The following ZNF423 variants were observed in gnomAD, a reference collection of about 807,000 sequenced individuals.
The protein encoded by ZNF423 is Ebf-associated zinc finger protein.
ZNF423 carries 12 observed loss-of-function variants against 95.8 expected under a neutral mutation model. That is an observed-to-expected ratio of 0.13 (90% CI 0.08 to 0.20). The LOEUF (loss-of-function observed/expected upper bound fraction) is 0.20, where lower values mean the gene tolerates loss of function less well. Among genes scored for constraint, ZNF423 ranks in the 10% least tolerant of loss-of-function variants. The pLI, the probability that ZNF423 is intolerant of heterozygous loss-of-function variation, is 1.00. For synonymous variants in ZNF423, 749 were observed against 711.9 expected, an observed-to-expected ratio of 1.05 and a Z score of -0.83; for missense variants, 1,316 against 1,737.1, an observed-to-expected ratio of 0.76 and a Z score of 4.31.
At chr16:49,701,687 C>G (rs140220267) in intron 3 of ZNF423, among the ~76,000 whole-genome samples, 10 of 152,184 alleles carry the variant, frequency 6.6e-5, no homozygotes, top group South Asian at 6.2e-4. Context: ...TTAAAGAGAA[C>G]ATACTCTGGC....
chr16:49,781,357 C>T (rs1799775781), intron 2 of ZNF423, among the ~76,000 whole-genome samples: 5 of 152,316 alleles, frequency 3.3e-5, no homozygotes, highest in Admixed American at 6.5e-5. Flanking sequence ...AGGGCTCCAG[C>T]ACAGACACTA....
At chr16:49,683,170 C>T (rs2031435047) in intron 3 of ZNF423, among the ~76,000 whole-genome samples, 2 of 152,126 alleles carry the variant, frequency 1.3e-5, no homozygotes, top group South Asian at 4.1e-4. Flanking sequence ...TGACTATTCA[C>T]TCAACAAATA....
chr16:49,810,003 T>A (rs1015715386), intron 1 of ZNF423, among the ~76,000 whole-genome samples: 22 of 151,616 alleles, frequency 1.5e-4, no homozygotes, highest in African/African-American at 3.9e-4. Flanking sequence ...GTCAAAGGTC[T>A]GCCCAGGCCC....
chr16:49,635,674 A>T lies in ZNF423; in HGVS notation c.3502T>A (p.Ser1168Thr). The change falls in exon 4 of 8, where the codon TCG becomes ACG. Residue 1168 changes from serine to threonine, a missense_variant. Transcript: ENST00000563137. This position sits in a 1 kb window ranked among gnomAD's most constrained non-coding sequence, Gnocchi z 4.8. ...TSGPRKGTQT[S>T]PVPRKKTYQC... ...ACTGCACTTACCCGGGGCACTGGCG[A>T]TGTCTGGGTGCCTTTCCGGGGCCCA... is the stretch of plus-strand genomic sequence containing the variant. 6.3e-7 allele frequency: 1 copy of T among 1,577,600 alleles called. No individual in the cohort carries two copies. The highest frequency in any genetic ancestry group is 8.6e-7 in the Non-Finnish European group (1 of 1,164,168).
intron 5 of ZNF423, among the ~76,000 whole-genome samples, chr16:49,541,764 T>C (rs532254016): frequency 6.6e-6 from 1 of 152,078 alleles, no homozygotes; most frequent in African/African-American, 2.4e-5. Flanking sequence ...TCTCACGAGA[T>C]CTGATGGTTT....
At chr16:49,644,624 C>T (rs1312966966) in intron 3 of ZNF423, among the ~76,000 whole-genome samples, 2 of 128,148 alleles carry the variant, frequency 1.6e-5, no homozygotes, top group Admixed American at 9.3e-5. Context: ...GATCATGCCA[C>T]TCTAGCCTGG....
chr16:49,754,591 C>A (rs561882745), intron 2 of ZNF423, among the ~76,000 whole-genome samples: 1 of 152,172 alleles, frequency 6.6e-6, no homozygotes. Context: ...CTGCCCTATG[C>A]CCAGTGCAAG....
At chr16:49,800,243 C>CA (rs111441917) in intron 1 of ZNF423, among the ~76,000 whole-genome samples, 3,443 of 120,220 alleles carry the variant, frequency 0.029, 116 homozygotes, top group African/African-American at 0.09. Context: ...GGCTCTGTCT[C>CA]AAAAAAAAAA....
intron 5 of ZNF423, among the ~76,000 whole-genome samples, chr16:49,577,394 A>C (rs1008694414): frequency 4.6e-5 from 7 of 152,310 alleles, no homozygotes; most frequent in African/African-American, 1.7e-4. Context: ...GTGAGGTTAC[A>C]TGACTTGCCT....
chr16:49,649,512 A>G (rs1182779568), intron 3 of ZNF423, among the ~76,000 whole-genome samples: 1 of 152,070 alleles, frequency 6.6e-6, no homozygotes, highest in Non-Finnish European at 1.5e-5. Context: ...CTAAATATCC[A>G]GTTTTCCAAA....
intron 7 of ZNF423, among the ~76,000 whole-genome samples, chr16:49,498,643 C>T (rs866647776): frequency 2.0e-5 from 3 of 152,216 alleles, no homozygotes; most frequent in Admixed American, 6.5e-5. Flanking sequence ...CATCATTTCC[C>T]TCTGCTCCCA....
chr16:49,692,215 A>G (rs946615710), intron 3 of ZNF423, among the ~76,000 whole-genome samples: 11 of 151,870 alleles, frequency 7.2e-5, no homozygotes, highest in Non-Finnish European at 1.6e-4. Flanking sequence ...TCAGCCTCCC[A>G]AAGTGCTGGG....
At chr16:49,752,322 TG>T (rs2033648155) in intron 2 of ZNF423, among the ~76,000 whole-genome samples, 1 of 152,216 alleles carries the variant, frequency 6.6e-6, no homozygotes, top group Admixed American at 6.5e-5. Context: ...GGCTTGGGCC[TG>T]GGGTCTTCAA....
chr16:49,631,713 G>A (rs1310058478), intron 4 of ZNF423, among the ~76,000 whole-genome samples: 2 of 152,230 alleles, frequency 1.3e-5, no homozygotes, highest in African/African-American at 4.8e-5. Context: ...ACAGGAAGGA[G>A]AGAAGGAAAA....
At chr16:49,821,029 C>T (rs954938826) in intron 1 of ZNF423, among the ~76,000 whole-genome samples, 2 of 152,210 alleles carry the variant, frequency 1.3e-5, no homozygotes, top group African/African-American at 2.4e-5. Context: ...TTGTTCGCCT[C>T]GGAAGCTAGA....
chr16:49,709,133 C>A (rs1035091957), intron 3 of ZNF423, among the ~76,000 whole-genome samples: 1 of 144,714 alleles, frequency 6.9e-6, no homozygotes, highest in African/African-American at 2.6e-5. Flanking sequence ...CCAGAAAAGA[C>A]AAACGCATAA....
intron 3 of ZNF423, among the ~76,000 whole-genome samples, chr16:49,679,148 C>T (rs1260106839): frequency 1.3e-5 from 2 of 152,236 alleles, no homozygotes; most frequent in Non-Finnish European, 2.9e-5. Context: ...CACTATGTTG[C>T]CCAGGTTGGT....
intron 5 of ZNF423, among the ~76,000 whole-genome samples, chr16:49,548,625 G>T (rs1008546404): frequency 2.6e-5 from 4 of 152,218 alleles, no homozygotes; most frequent in African/African-American, 7.2e-5. Context: ...AGAAAGAGAA[G>T]GGGAGAGAGA....
chr16:49,817,797 G>A (rs143903919), intron 1 of ZNF423, among the ~76,000 whole-genome samples: 208 of 152,180 alleles, frequency 1.4e-3, no homozygotes, highest in African/African-American at 4.8e-3. Flanking sequence ...TCCATCTTTT[G>A]ACCCTACTAG....
Sources: gnomAD v4.1 joint callset for allele counts (sites outside exome capture counted in the v4.1 genomes callset) on GRCh38, gnomAD v4.1.1 for gene constraint, Gnocchi (gnomAD v3.1) non-coding constraint, MANE v1.5 for transcripts, NCBI Gene and HGNC (gene_info 2026-07-23, HGNC 2026-07-21) for gene names.